DLGAP1: variants seen among roughly 807,000 people sequenced by gnomAD.
DLGAP1 encodes the protein disks large-associated protein 1.
DLGAP1 carries 11 observed loss-of-function variants against 90.8 expected under a neutral mutation model. The ratio of observed to expected loss-of-function variants is 0.12; its 90% confidence interval spans 0.08 to 0.20. The LOEUF (loss-of-function observed/expected upper bound fraction) is 0.20, where lower values mean the gene tolerates loss of function less well. Among genes scored for constraint, DLGAP1 ranks in the 10% least tolerant of loss-of-function variants. The pLI is 1.00. For missense variants in DLGAP1, 1,050 were observed against 1,333.8 expected, an observed-to-expected ratio of 0.79 and a Z score of 3.31; for synonymous variants, 558 against 540.7, an observed-to-expected ratio of 1.03 and a Z score of -0.44.
Position 4,099,710 on chromosome 18 carries a change from T to TC in DLGAP1, c.-159+51469_-159+51470insG, listed in dbSNP as rs199566861. Among the ~76,000 whole-genome samples the TC allele has an allele frequency of 2.5e-3, 379 of 151,002 alleles. 2 individuals are homozygous for TC. The South Asian group carries it at 0.026, about 10-fold the overall frequency. ...TTTCTTTTCTTTTTTTACTTTTTTT[T>TC]TTTTTTTTTTAGAGTTGAGGTCTTG... On this transcript the variant is annotated intron_variant, in intron 2 of 12. Transcript: ENST00000315677.
intron 3 of DLGAP1, among the ~76,000 whole-genome samples, chr18:3,972,912 C>T (rs2149008465): frequency 6.6e-6 from 1 of 152,306 alleles, no homozygotes; most frequent in South Asian, 2.1e-4. Context: ...AGAATAAGCC[C>T]ATAGGGCAGA....
At chr18:3,838,734 T>C (rs1156534086) in intron 4 of DLGAP1, among the ~76,000 whole-genome samples, 1 of 152,256 alleles carries the variant, frequency 6.6e-6, no homozygotes, top group Non-Finnish European at 1.5e-5. Flanking sequence ...GTTGCATCCA[T>C]TTATAAATTT....
rs1267009496 is a variant in DLGAP1 at position 3,752,589 on chromosome 18, TTC to T, written c.1173-10079_1173-10078del. Among the ~76,000 whole-genome samples the T allele has an allele frequency of 1.7e-4, 22 of 131,596 alleles. No homozygotes were observed. In the South Asian group the frequency reaches 6.6e-3, roughly 39 times the overall value. The allele number at this position is 131,596 out of a possible 152,430, so 86.3% of individuals were successfully genotyped here. A position where few individuals can be genotyped will look rare whatever the true frequency, so the allele number is the denominator to read the frequency against. On this transcript the variant is annotated intron_variant, in intron 5 of 12. Transcript: ENST00000315677. ...CTTTCTCTTTCTTTCTTCTCTCTCT[TTC>T]TCTCTCTCCACTCTCTCTCTTTCTC... is the stretch of plus-strand genomic sequence containing the variant.
chr18:4,436,511 G>A (rs1353278459), intron 1 of DLGAP1, among the ~76,000 whole-genome samples: 2 of 151,850 alleles, frequency 1.3e-5, no homozygotes, highest in Non-Finnish European at 2.9e-5. Context: ...ATTAGTCATC[G>A]GTTCTTATCC....
rs538909670 is a variant in DLGAP1, at chr18:3,905,196, T to C, written c.-72-25056A>G. ...TCCTGGCTAACACAGTGAAACCCCA[T>C]CTCTACTAAAAATACAAAAAATTAG... On this transcript the variant is annotated intron_variant, in intron 3 of 12. Transcript: ENST00000315677. Among the ~76,000 whole-genome samples the C allele has an allele frequency of 1.1e-4, 17 of 149,856 alleles. No individual in the cohort carries two copies. The South Asian group carries it at 1.5e-3, about 13-fold the overall frequency.
intron 3 of DLGAP1, among the ~76,000 whole-genome samples, chr18:3,978,935 A>C (rs1397555542): frequency 6.6e-6 from 1 of 152,188 alleles, no homozygotes; most frequent in East Asian, 1.9e-4. Flanking sequence ...TACGTAGGTA[A>C]ATCCACCTCT....
At chr18:3,920,247 G>A (rs988797301) in intron 3 of DLGAP1, among the ~76,000 whole-genome samples, 12 of 151,048 alleles carry the variant, frequency 7.9e-5, no homozygotes, top group Admixed American at 1.3e-4. Flanking sequence ...GGAGGCTGAG[G>A]CACGAGAATC....
At chr18:4,023,117 A>G (rs2074641761) in intron 2 of DLGAP1, among the ~76,000 whole-genome samples, 1 of 152,212 alleles carries the variant, frequency 6.6e-6, no homozygotes, top group South Asian at 2.1e-4. Context: ...TCTGATGATT[A>G]TAGACTGACA....
Position 3,666,885 on chromosome 18 carries a change from T to C in DLGAP1, c.1591+62250A>G, listed in dbSNP as rs562927757. Among the ~76,000 whole-genome samples, 60 of 152,122 alleles carry C rather than the reference T, an allele frequency of 3.9e-4. 1 individual carries two copies. The highest frequency in any genetic ancestry group is 6.8e-4 in the Non-Finnish European group (46 of 67,978). On this transcript the variant is annotated intron_variant, in intron 7 of 12. Coordinates refer to ENST00000315677, the MANE Select transcript of DLGAP1 (RefSeq NM_004746.4). The stretch of plus-strand genomic sequence containing the variant: ...GAGCCTCCTGCCTCAGCCTCCGTAG[T>C]AGCTGCAACTACAGGCGCCCACCAC...
At chr18:3,624,020 G>A (rs1022145303) in intron 7 of DLGAP1, among the ~76,000 whole-genome samples, 1 of 152,026 alleles carries the variant, frequency 6.6e-6, no homozygotes, top group South Asian at 2.1e-4. Context: ...ACATTCCACC[G>A]CTCCAGCAGC....
At chr18:3,977,432 G>GTT (rs1467413382) in intron 3 of DLGAP1, among the ~76,000 whole-genome samples, 23 of 52,740 alleles carry the variant, frequency 4.4e-4, no homozygotes, top group African/African-American at 1.5e-3. Flanking sequence ...TGTTTATTCT[G>GTT]TGTTTTTTTT....
At chr18:4,435,403 G>A (rs188989591) in intron 1 of DLGAP1, among the ~76,000 whole-genome samples, 120 of 152,272 alleles carry the variant, frequency 7.9e-4, no homozygotes, top group African/African-American at 2.6e-3. Flanking sequence ...CAAATTCTGA[G>A]TAATGGAAAG....
At chr18:4,255,608 A>C (rs1168907588) in intron 1 of DLGAP1, among the ~76,000 whole-genome samples, 1 of 151,892 alleles carries the variant, frequency 6.6e-6, no homozygotes, top group Non-Finnish European at 1.5e-5. Flanking sequence ...GGAAAAGAGC[A>C]CCACCAATGA....
At chr18:4,303,497 T>C (rs965517822) in intron 1 of DLGAP1, among the ~76,000 whole-genome samples, 4 of 152,144 alleles carry the variant, frequency 2.6e-5, no homozygotes, top group African/African-American at 7.2e-5. Context: ...GTGAGGGCCC[T>C]AGGATGCTAG....
In DLGAP1 at chr18:3,551,754, T is replaced by C. The variant is rs867600725; in HGVS notation, c.2057+15736A>G. Among the ~76,000 whole-genome samples, 132 of 91,522 alleles carry C rather than the reference T, an allele frequency of 1.4e-3. 1 individual carries two copies. The highest frequency in any genetic ancestry group is 5.6e-3 in the African/African-American group (129 of 23,182). The allele number at this position is 91,522 out of a possible 152,430, so 60.0% of individuals were successfully genotyped here. ...TTCCTTCCTTCCTTCCTTCCTTCCT[T>C]CCTTCCTTCCTTCCTTCTTTCCTTC... On this transcript the variant is annotated intron_variant, in intron 9 of 12. Transcript: ENST00000315677.
chr18:3,571,682 A>T (rs1269657882), intron 8 of DLGAP1, among the ~76,000 whole-genome samples: 4 of 151,432 alleles, frequency 2.6e-5, no homozygotes, highest in Non-Finnish European at 1.5e-5. Context: ...CGCGTCCACC[A>T]TGCCCGGCTA....
intron 7 of DLGAP1, among the ~76,000 whole-genome samples, chr18:3,588,706 G>C (rs568879114): frequency 6.6e-6 from 1 of 150,748 alleles, no homozygotes; most frequent in Non-Finnish European, 1.5e-5. Flanking sequence ...CTTGAGCCCG[G>C]GAGGCGGAGG....
chr18:3,640,286 C>T (rs1413492570), intron 7 of DLGAP1, among the ~76,000 whole-genome samples: 2 of 152,216 alleles, frequency 1.3e-5, no homozygotes, highest in African/African-American at 2.4e-5. Flanking sequence ...CTCCAGACTA[C>T]GTGCTGAAGT....
intron 3 of DLGAP1, among the ~76,000 whole-genome samples, chr18:3,976,629 G>C (rs1350798254): frequency 1.3e-5 from 2 of 151,910 alleles, no homozygotes; most frequent in African/African-American, 4.8e-5. Context: ...ATTTCTTTTT[G>C]ATTTGGAAAA....
Sources: gnomAD v4.1 joint callset for allele counts (sites outside exome capture counted in the v4.1 genomes callset) on GRCh38, gnomAD v4.1.1 for gene constraint, MANE v1.5 for transcripts, NCBI Gene and HGNC (gene_info 2026-07-23, HGNC 2026-07-21) for gene names.